Variants in KRT78 observed in about 807,000 individuals in gnomAD.
KRT78 encodes keratin, type II cytoskeletal 78.
Under a neutral mutation model 51.4 loss-of-function variants are expected in KRT78, and 55 were observed. The ratio of observed to expected loss-of-function variants is 1.07; its 90% CI spans 0.86 to 1.34. KRT78 has a LOEUF of 1.34. Among genes scored for constraint, KRT78 ranks in the 40% most tolerant of loss-of-function variants. The pLI, the probability that KRT78 is intolerant of heterozygous loss-of-function variation, is 0.00. For synonymous variants in KRT78, 291 were observed against 264.3 expected (o/e 1.10, Z -0.98); for missense variants, 652 against 649.4 (o/e 1.00, Z -0.04).
At chr12:52,848,285 C>CA (rs1438593268) in intron 1 of KRT78, 164 bp from the exon 2 acceptor site, 22 of 1,537,926 alleles carry the variant, frequency 1.4e-5, no homozygotes, top group Non-Finnish European at 1.8e-5. Flanking sequence ...ACTCTGAACA[C>CA]AACAAAATGA....
chr12:52,845,113 T>C (rs1013938459), intron 4 of KRT78, among the ~76,000 whole-genome samples: 2 of 151,802 alleles, frequency 1.3e-5, no homozygotes, highest in African/African-American at 4.8e-5. Flanking sequence ...CCTTCCAGGT[T>C]CAAGCCATTC....
intron 2 of KRT78, 31 bp from the exon 3 acceptor site, chr12:52,846,855 G>A (rs1260562662): frequency 8.9e-6 from 14 of 1,574,844 alleles, no homozygotes; most frequent in Non-Finnish European, 1.2e-5. Flanking sequence ...GATGCAGTTT[G>A]AGGCTCCACG....
At chr12:52,844,065 G>T (rs1045324515) in intron 6 of KRT78, 28 bp downstream of exon 6, 44 of 1,610,078 alleles carry the variant, frequency 2.7e-5, no homozygotes, top group Non-Finnish European at 3.4e-5. Flanking sequence ...GGCAATGAGA[G>T]GACATTTGGG....
At position 52,848,850 on chromosome 12, in the gene KRT78, C is replaced by G; in HGVS notation, c.81G>C (p.Arg27Ser). ...ACSARSRGRS[R>S]GGFSSRGGFS... is the part of the protein sequence containing the mutation. ...AGCCGCCCCTGCTGCTGAAGCCTCC[C>G]CTGCTGCGGCCCCTTGAGCGAGCAG... Residue 27 changes from arginine to serine, a missense_variant, in exon 1 of 9, where the codon AGG (arginine) becomes AGC (serine). By Grantham distance (110) the Arg-to-Ser change is moderately radical. Coordinates refer to ENST00000304620, the MANE Select transcript of KRT78 (RefSeq NM_173352.4). The G allele has an allele frequency of 6.2e-7, 1 of 1,612,450 alleles. No individual in the cohort carries two copies. Among genetic ancestry groups the G allele is most frequent in the Non-Finnish European group, 8.5e-7 (1 of 1,179,572 alleles).
chr12:52,846,735 G>C lies in KRT78; in HGVS notation c.660+29C>G, dbSNP rs201452484. ...TCCGTGCACAGTGGATGCTCAGAAC[G>C]TAAGTGGAGCACTGGCCCCCACCCT... On this transcript the variant is annotated intron_variant, in intron 3 of 8. Transcript: ENST00000304620. 4.2e-4 allele frequency: 667 copies of C among 1,603,616 alleles called. 5 individuals are homozygous for C. Among genetic ancestry groups the C allele is most frequent in the Non-Finnish European group, 5.2e-5 (61 of 1,171,264 alleles).
chr12:52,844,112 G>A lies in KRT78; in HGVS notation c.1028C>T (p.Thr343Ile), dbSNP rs2120410584. ...ATCTACCTGCTTCTTGAGGTTCTCA[G>A]TCTGACTCTGCAGCCTCTGAATCTC... ...HQEIQRLQSQ[T>I]ENLKKQNASL... The change falls in exon 6 of 9, where the codon ACT (threonine) becomes ATT (isoleucine). Residue 343 changes from threonine (T) to isoleucine (I), a missense_variant. Physicochemically the swap from Thr to Ile is moderately conservative, Grantham distance 89. Transcript: ENST00000304620. 1 of 1,613,296 alleles carries A rather than the reference G, an allele frequency of 6.2e-7. No homozygotes were observed. The highest frequency in any genetic ancestry group is 1.1e-5 in the South Asian group (1 of 90,908).
chr12:52,842,961 G>GAGA (rs1217222099), intron 6 of KRT78, among the ~76,000 whole-genome samples: 14 of 28,872 alleles, frequency 4.8e-4, no homozygotes, highest in South Asian at 1.6e-3. Flanking sequence ...GAGAGAGAGA[G>GAGA]GAAGGAAGGA....
Position 52,844,696 on chromosome 12 carries a change from T to C in KRT78, c.784A>G (p.Ser262Gly). 2 of 1,613,228 alleles carry C rather than the reference T, an allele frequency of 1.2e-6. No homozygotes were observed. Among genetic ancestry groups the C allele is most frequent in the East Asian group, 4.5e-5 (2 of 44,830 alleles). ...EELGQLQTQA[S>G]DTSVVLSMDN... ...ATGGACAGCACCACAGACGTGTCGCTGGCCTGGGTCTGGAGCTGGCCCAGC... is the reference window on the plus strand; with the variant it reads ...ATGGACAGCACCACAGACGTGTCGCCGGCCTGGGTCTGGAGCTGGCCCAGC... Residue 262 changes from serine to glycine, a missense_variant, in exon 5 of 9, where the codon AGC (serine) becomes GGC (glycine). By Grantham distance (56) the Ser-to-Gly change is moderately conservative (BLOSUM62 0). Coordinates refer to ENST00000304620, the MANE Select transcript of KRT78 (RefSeq NM_173352.4).
intron 5 of KRT78, 46 bp downstream of exon 5, chr12:52,844,513 A>G (rs749860199): frequency 5.1e-6 from 8 of 1,580,010 alleles, no homozygotes; most frequent in Non-Finnish European, 6.9e-6. Flanking sequence ...TTGGGCATGG[A>G]GACCTAGCCA....
chr12:52,842,480 G>A (rs1456596625), intron 6 of KRT78, among the ~76,000 whole-genome samples: 10 of 152,126 alleles, frequency 6.6e-5, no homozygotes, highest in Non-Finnish European at 1.5e-4. Context: ...TACCTAAGGA[G>A]AAGTTAGCCC....
chr12:52,839,516 C>T (rs1275463085), intron 7 of KRT78, 29 bp from the exon 8 acceptor site: 7 of 1,551,636 alleles, frequency 4.5e-6, no homozygotes, highest in African/African-American at 1.4e-5. Context: ...GAGGGGGATG[C>T]GCTAAGGAAT....
intron 7 of KRT78, 109 bp downstream of exon 7, chr12:52,839,655 A>T: frequency 7.5e-7 from 1 of 1,331,092 alleles, no homozygotes. Context: ...TTAGCAACTC[A>T]CAATGTCAGG....
chr12:52,841,180 G>T (rs1004224567), intron 6 of KRT78, among the ~76,000 whole-genome samples: 1 of 152,004 alleles, frequency 6.6e-6, no homozygotes, highest in African/African-American at 2.4e-5. Context: ...GCCTCAATTT[G>T]GGACTTGAAA....
chr12:52,838,972 G>C lies in KRT78; in HGVS notation c.*141C>G, dbSNP rs1940407953. On this transcript the variant is annotated 3_prime_UTR_variant, in exon 9 of 9. Transcript: ENST00000304620. ...ACTTAGAGCATTCAGAACAGCAGGAGGGGAGACTTTATTGATTTTTGCAGC... is the reference window on the plus strand; with the variant it reads ...ACTTAGAGCATTCAGAACAGCAGGACGGGAGACTTTATTGATTTTTGCAGC... The C allele has an allele frequency of 1.0e-6, 1 of 971,732 alleles. No homozygotes were observed. Among genetic ancestry groups the C allele is most frequent in the Non-Finnish European group, 1.5e-6 (1 of 664,156 alleles). The allele number at this position is 971,732 out of a possible 1,614,324, so 60.2% of individuals were successfully genotyped here.
Position 52,848,039 on chromosome 12 carries a change from T to TGCTG in KRT78, c.463_466dup (p.Gln156ProfsTer9), listed in dbSNP as rs774877299. 5 of 1,614,172 alleles carry TGCTG rather than the reference T, an allele frequency of 3.1e-6. No individual in the cohort carries two copies. The highest frequency in any genetic ancestry group is 2.5e-6 in the Non-Finnish European group (3 of 1,180,016). On this transcript the variant is annotated frameshift_variant, in exon 2 of 9. Transcript: ENST00000304620. LOFTEE classifies it high-confidence loss of function. ...GGCCTCAAAGACAGGCTCCAGGCCC[T>TGCTG]GCTGGCTGCCACTCAACCCCTGTTG...
Position 52,848,980 on chromosome 12 carries a change from G to A in KRT78, c.-50C>T. On this transcript the variant is annotated 5_prime_UTR_variant, in exon 1 of 9. Coordinates refer to ENST00000304620, the MANE Select transcript of KRT78 (RefSeq NM_173352.4). ...TGCAGACGGACAGACAGATTGTCAA[G>A]GTGTGTGAGTTTCTGCCCTGGGGCC... The A allele has an allele frequency of 6.7e-7, 1 of 1,499,770 alleles. No homozygotes were observed. The highest frequency in any genetic ancestry group is 2.2e-5 in the Admixed American group (1 of 44,968). The allele number at this position is 1,499,770 out of a possible 1,614,324, so 92.9% of individuals were successfully genotyped here.
At chr12:52,843,372 AAG>A (rs1359199552) in intron 6 of KRT78, among the ~76,000 whole-genome samples, 2 of 130,000 alleles carry the variant, frequency 1.5e-5, no homozygotes. Flanking sequence ...TCTCAAAAAA[AAG>A]AGAGAGAGAG....
At chr12:52,846,631 A>G in intron 3 of KRT78, 133 bp downstream of exon 3, 2 of 837,106 alleles carry the variant, frequency 2.4e-6, no homozygotes, top group Non-Finnish European at 3.9e-6. Flanking sequence ...CCATTTTCCC[A>G]GGGGACCCCT....
rs1005795634 is a variant in KRT78, at chr12:52,841,359, C to T, written c.1048-1375G>A. 4.6e-5 allele frequency among the ~76,000 whole-genome samples: 7 copies of T among 151,840 alleles called. 1 individual carries two copies. The highest frequency in any genetic ancestry group is 3.3e-4 in the Admixed American group (5 of 15,230). Reference sequence around the variant, plus strand: ...AAAATTAGCCGGGCATGGTGGCACACACCTGTAGTCCCAGCTACTCAGGAG... The same window carrying T: ...AAAATTAGCCGGGCATGGTGGCACATACCTGTAGTCCCAGCTACTCAGGAG... On this transcript the variant is annotated intron_variant, in intron 6 of 8. Coordinates refer to ENST00000304620, the MANE Select transcript of KRT78 (RefSeq NM_173352.4).
Sources: allele counts gnomAD v4.1 joint callset (sites outside exome capture counted in the v4.1 genomes callset), GRCh38; gene constraint gnomAD v4.1.1; transcripts MANE v1.5; gene names NCBI Gene and HGNC (gene_info 2026-07-23, HGNC 2026-07-21).